Variants in FREM3 observed in about 807,000 individuals in gnomAD.
FREM3 encodes FRAS1 related extracellular matrix 3, also known as FRAS1-related extracellular matrix protein 3.
A neutral mutation model predicts 129.1 loss-of-function variants in FREM3; 105 were observed. That is an observed-to-expected ratio of 0.81 (90% CI 0.69 to 0.96). The LOEUF (loss-of-function observed/expected upper bound fraction) is 0.96, where lower values mean the gene tolerates loss of function less well. Ranked by LOEUF, FREM3 falls within the 40% of genes least tolerant of loss-of-function variation. The pLI is 0.00. For missense variants in FREM3, 2,593 were observed against 2,666.3 expected (o/e 0.97, Z 0.61); for synonymous variants, 1,014 against 1,044.9 (o/e 0.97, Z 0.57).
intron 2 of FREM3, among the ~76,000 whole-genome samples, chr4:143,651,750 C>G (rs559957316): frequency 6.6e-6 from 1 of 152,264 alleles, no homozygotes; most frequent in South Asian, 2.1e-4. Context: ...ATGCTTTAAC[C>G]TGTGAGAAAA....
chr4:143,674,393 G>A lies in FREM3; in HGVS notation c.5275+18720C>T, dbSNP rs187697998. ...CCCTACAAGAGCTCCTGAAGGAAGC[G>A]CTAAACATGGAAGGGAACAACCGGT... On this transcript the variant is annotated intron_variant, in intron 2 of 7. Coordinates refer to ENST00000329798, the MANE Select transcript of FREM3 (RefSeq NM_001168235.2). Among the ~76,000 whole-genome samples the A allele has an allele frequency of 1.7e-3, 256 of 152,156 alleles. 1 individual carries two copies. Among genetic ancestry groups the A allele is most frequent in the African/African-American group, 5.7e-3 (237 of 41,502 alleles).
chr4:143,699,503 GGGC>G lies in FREM3; in HGVS notation c.1170_1172del (p.Gln390_Pro391delinsHis). On this transcript the variant is annotated inframe_deletion, in exon 1 of 8. Coordinates refer to ENST00000329798, the MANE Select transcript of FREM3 (RefSeq NM_001168235.2). This position sits in a 1 kb window ranked among gnomAD's most constrained non-coding sequence, Gnocchi z 4.2. Reference sequence around the variant, plus strand: ...GCTCCCCATGGGAGTTCTCTGCAGGGGGCTGATAGGCAATCTTCAGCTCCCTCA... The same window carrying G: ...GCTCCCCATGGGAGTTCTCTGCAGGGTGATAGGCAATCTTCAGCTCCCTCA... 1 of 1,537,272 alleles carries G rather than the reference GGGC, an allele frequency of 6.5e-7. No homozygotes were observed. Among genetic ancestry groups the G allele is most frequent in the Non-Finnish European group, 8.7e-7 (1 of 1,146,922 alleles).
At chr4:143,626,358 A>G (rs1490178669) in intron 3 of FREM3, among the ~76,000 whole-genome samples, 2 of 152,174 alleles carry the variant, frequency 1.3e-5, no homozygotes, top group African/African-American at 4.8e-5. Context: ...AGTGCTGTGA[A>G]GAACCATACA....
chr4:143,681,966 T>C (rs1221135926), intron 2 of FREM3, among the ~76,000 whole-genome samples: 1 of 152,174 alleles, frequency 6.6e-6, no homozygotes, highest in African/African-American at 2.4e-5. Context: ...TGTCTACTTG[T>C]TGGATGTCGC....
rs550885441 is a variant in FREM3 at position 143,585,896 on chromosome 4, T to C, written c.6126A>G (p.Gln2042=). ...TGGAGCGCACGGCGATGGATGATGGTTGGGAAAGATCAGTGCCTCTTCTCC... is the reference window on the plus strand; with the variant it reads ...TGGAGCGCACGGCGATGGATGATGGCTGGGAAAGATCAGTGCCTCTTCTCC... ...CVWRRGTDLS[Q]PSSIAVRSRK... The change falls in exon 7 of 8, where the codon CAA becomes CAG. Residue 2042 remains glutamine, a synonymous_variant. Transcript: ENST00000329798. The surrounding 1 kb of genome is among the most constrained non-coding windows in gnomAD (Gnocchi z 4.2). The C allele has an allele frequency of 3.9e-6, 6 of 1,537,316 alleles. No homozygotes were observed. The East Asian group carries it at 1.2e-4, about 31-fold the overall frequency.
chr4:143,650,699 C>T (rs1739495057), intron 2 of FREM3, among the ~76,000 whole-genome samples: 1 of 152,186 alleles, frequency 6.6e-6, no homozygotes, highest in South Asian at 2.1e-4. Flanking sequence ...TCCATATTGC[C>T]CAGGCTGATC....
intron 2 of FREM3, among the ~76,000 whole-genome samples, chr4:143,676,953 A>C (rs911251670): frequency 6.6e-6 from 1 of 152,252 alleles, no homozygotes; most frequent in Non-Finnish European, 1.5e-5. Flanking sequence ...ATATCGTGAA[A>C]ATGGCCATAC....
chr4:143,589,687 T>A (rs993903818), intron 6 of FREM3, among the ~76,000 whole-genome samples: 4 of 152,216 alleles, frequency 2.6e-5, no homozygotes, highest in African/African-American at 9.6e-5. Context: ...TGCCTGCAGC[T>A]TTGTTCTTTT....
At chr4:143,594,412 C>G (rs943396737) in intron 6 of FREM3, among the ~76,000 whole-genome samples, 1 of 152,166 alleles carries the variant, frequency 6.6e-6, no homozygotes, top group South Asian at 2.1e-4. Flanking sequence ...ATGAACTGTT[C>G]TCAAGGTCAG....
intron 2 of FREM3, among the ~76,000 whole-genome samples, chr4:143,668,192 A>G (rs1304196241): frequency 1.3e-5 from 2 of 152,194 alleles, no homozygotes; most frequent in Non-Finnish European, 2.9e-5. Context: ...GTGACTCAAG[A>G]ACCGATGAAC....
At chr4:143,681,543 A>C (rs1216919229) in intron 2 of FREM3, among the ~76,000 whole-genome samples, 1 of 152,132 alleles carries the variant, frequency 6.6e-6, no homozygotes, top group Non-Finnish European at 1.5e-5. Flanking sequence ...AATATAATGA[A>C]ATTTATCATT....
chr4:143,631,886 A>G (rs915673279), intron 2 of FREM3, among the ~76,000 whole-genome samples: 1 of 152,286 alleles, frequency 6.6e-6, no homozygotes, highest in Middle Eastern at 3.4e-3. Flanking sequence ...TGACCAGACT[A>G]CTTCAGAATG....
intron 1 of FREM3, among the ~76,000 whole-genome samples, chr4:143,694,631 C>T (rs1275551477): frequency 1.3e-5 from 2 of 152,022 alleles, no homozygotes; most frequent in Non-Finnish European, 2.9e-5. Context: ...TGATTGCATT[C>T]TTTCTTTTTT....
chr4:143,672,033 C>T (rs1267566295), intron 2 of FREM3, among the ~76,000 whole-genome samples: 1 of 152,196 alleles, frequency 6.6e-6, no homozygotes, highest in South Asian at 2.1e-4. Flanking sequence ...GTTCCCCTCT[C>T]TCTCCCATTG....
chr4:143,689,005 T>A (rs1354959681), intron 2 of FREM3, among the ~76,000 whole-genome samples: 1 of 151,988 alleles, frequency 6.6e-6, no homozygotes, highest in African/African-American at 2.4e-5. Flanking sequence ...GGAAATGCAA[T>A]AAAAGCAAAG....
chr4:143,690,170 T>C (rs1740440431), intron 2 of FREM3, among the ~76,000 whole-genome samples: 1 of 152,078 alleles, frequency 6.6e-6, no homozygotes, highest in South Asian at 2.1e-4. Flanking sequence ...ACAGCAGCAA[T>C]AGGAAACTAA....
At chr4:143,600,900 G>A (rs920600265) in intron 6 of FREM3, among the ~76,000 whole-genome samples, 2 of 151,736 alleles carry the variant, frequency 1.3e-5, no homozygotes, top group African/African-American at 2.4e-5. Flanking sequence ...TCTATTGCAA[G>A]CAAGGGTGAT....
intron 2 of FREM3, among the ~76,000 whole-genome samples, chr4:143,666,204 T>C (rs1321818257): frequency 6.6e-6 from 1 of 152,072 alleles, no homozygotes; most frequent in East Asian, 1.9e-4. Context: ...ATCCCCTTCA[T>C]AGAACAATGT....
rs1740598905 is a variant in FREM3 at position 143,697,533 on chromosome 4, A to G, written c.3143T>C (p.Val1048Ala). Reference sequence around the variant, plus strand: ...TACTTTCTCTATTATGCTATTCCCCACTACCCATTGGTAAGAATCTTTGGA... The same window carrying G: ...TACTTTCTCTATTATGCTATTCCCCGCTACCCATTGGTAAGAATCTTTGGA... ...ILSKDSYQWV[V>A]GNSIIEKVQV... The change falls in exon 1 of 8, where the codon GTG (valine) becomes GCG (alanine). Residue 1048 changes from valine to alanine, a missense_variant. Transcript: ENST00000329798. 1 of 1,537,312 alleles carries G rather than the reference A, an allele frequency of 6.5e-7. No homozygotes were observed. The highest frequency in any genetic ancestry group is 8.7e-7 in the Non-Finnish European group (1 of 1,146,924).
Sources: gnomAD v4.1 joint callset for allele counts (sites outside exome capture counted in the v4.1 genomes callset) on GRCh38, gnomAD v4.1.1 for gene constraint, Gnocchi (gnomAD v3.1) non-coding constraint, MANE v1.5 for transcripts, NCBI Gene and HGNC (gene_info 2026-07-23, HGNC 2026-07-21) for gene names.